RFC2: variants seen among roughly 807,000 people sequenced by gnomAD.
The protein encoded by RFC2 is A1 40 kDa subunit.
A neutral mutation model predicts 44.8 loss-of-function variants in RFC2; 34 were observed. The ratio of observed to expected loss-of-function variants is 0.76; its 90% CI spans 0.58 to 1.01. The LOEUF is 1.01. Among genes scored for constraint, RFC2 ranks in the 50% least tolerant of loss-of-function variants. The pLI, the probability that RFC2 is intolerant of heterozygous loss-of-function variation, is 0.00. For missense variants in RFC2, 400 were observed against 453.6 expected (o/e 0.88, Z 1.07); for synonymous variants, 177 against 168.9 (o/e 1.05, Z -0.37).
intron 6 of RFC2, among the ~76,000 whole-genome samples, chr7:74,242,775 T>C (rs1463938301): frequency 6.9e-6 from 1 of 145,628 alleles, no homozygotes; most frequent in African/African-American, 2.6e-5. Flanking sequence ...AAAAAAAAAT[T>C]AGCTGGGTGT....
intron 8 of RFC2, among the ~76,000 whole-genome samples, chr7:74,237,987 A>G (rs959067563): frequency 1.3e-5 from 2 of 151,940 alleles, no homozygotes; most frequent in Non-Finnish European, 2.9e-5. Flanking sequence ...CTCTGGTACA[A>G]TGTCGACCCC....
rs1554718676 is a variant in RFC2, at chr7:74,238,358, G to A, written c.759+565C>T. On this transcript the variant is annotated intron_variant, in intron 8 of 10. Transcript: ENST00000055077. The surrounding 1 kb of genome is among the most constrained non-coding windows in gnomAD (Gnocchi z 4.0). ...GCGGAGTTATCAGGATGCGGAAGCA[G>A]TTTTCAAAAGAATTCCCAAGAGAAA... Among the ~76,000 whole-genome samples the A allele has an allele frequency of 3.3e-5, 5 of 152,172 alleles. No homozygotes were observed.
In RFC2 at chr7:74,238,287, T is replaced by C. The variant is rs1331518737; in HGVS notation, c.759+636A>G. On this transcript the variant is annotated intron_variant, in intron 8 of 10. Coordinates refer to ENST00000055077, the MANE Select transcript of RFC2 (RefSeq NM_181471.3). This position sits in a 1 kb window ranked among gnomAD's most constrained non-coding sequence, Gnocchi z 4.0. ...AGCTTGGACAGCCCTTCCCAGTTTC[T>C]TCCCCCAAATAAGGGGGAAGTGAAT... is the stretch of plus-strand genomic sequence containing the variant. Among the ~76,000 whole-genome samples, 4 of 152,140 alleles carry C rather than the reference T, an allele frequency of 2.6e-5. No homozygotes were observed. Among genetic ancestry groups the C allele is most frequent in the Non-Finnish European group, 5.9e-5 (4 of 68,014 alleles).
intron 5 of RFC2, among the ~76,000 whole-genome samples, chr7:74,245,120 C>A (rs1156504129): frequency 2.6e-5 from 4 of 151,186 alleles, no homozygotes; most frequent in African/African-American, 9.7e-5. Context: ...ACCTTCGCCT[C>A]CGGGGTTCAA....
chr7:74,252,606 G>C (rs1477795768), intron 1 of RFC2, 108 bp from the exon 2 acceptor site: 2 of 728,584 alleles, frequency 2.7e-6, no homozygotes, highest in Non-Finnish European at 5.0e-6. Flanking sequence ...CATACATTCA[G>C]TACAACTATG....
Position 74,238,783 on chromosome 7 carries a change from C to G in RFC2, c.759+140G>C. On this transcript the variant is annotated intron_variant, in intron 8 of 10. Coordinates refer to ENST00000055077, the MANE Select transcript of RFC2 (RefSeq NM_181471.3). This position sits in a 1 kb window ranked among gnomAD's most constrained non-coding sequence, Gnocchi z 4.0. ...AAAGCAGCAATAGGGAGAGGACAGA[C>G]GGGAGCAGGGTGGGCTCCCTGGCAC... is the stretch of plus-strand genomic sequence containing the variant. 1 of 659,220 alleles carries G rather than the reference C, an allele frequency of 1.5e-6. No individual in the cohort carries two copies. Among genetic ancestry groups the G allele is most frequent in the African/African-American group, 1.8e-5 (1 of 56,050 alleles). 40.8% of individuals were successfully genotyped at this position (659,220 alleles called of 1,614,324 possible). A position where few individuals can be genotyped will look rare whatever the true frequency, so the allele number is the denominator to read the frequency against.
chr7:74,238,515 G>A lies in RFC2; in HGVS notation c.759+408C>T, dbSNP rs965902092. On this transcript the variant is annotated intron_variant, in intron 8 of 10. Transcript: ENST00000055077. This position sits in a 1 kb window ranked among gnomAD's most constrained non-coding sequence, Gnocchi z 4.0. ...TTGCAGAAAAAACCCAGGGTGTGGGGTCTGAAGGCTACTGGGGAACAGCAC... is the reference window on the plus strand; with the variant it reads ...TTGCAGAAAAAACCCAGGGTGTGGGATCTGAAGGCTACTGGGGAACAGCAC... 3.9e-5 allele frequency among the ~76,000 whole-genome samples: 6 copies of A among 152,018 alleles called. No homozygotes were observed. The highest frequency in any genetic ancestry group is 8.8e-5 in the Non-Finnish European group (6 of 67,986).
chr7:74,241,465 T>C (rs1187483963), intron 6 of RFC2, among the ~76,000 whole-genome samples: 5 of 152,222 alleles, frequency 3.3e-5, no homozygotes, highest in African/African-American at 1.2e-4. Flanking sequence ...CCACCAGGGC[T>C]GGTAGCCATG....
intron 4 of RFC2, among the ~76,000 whole-genome samples, chr7:74,247,356 A>G (rs1221899602): frequency 6.6e-6 from 1 of 152,160 alleles, no homozygotes; most frequent in African/African-American, 2.4e-5. Context: ...AATAACTGCA[A>G]TGTAGGCCAA....
chr7:74,239,585 C>A (rs542298928), intron 7 of RFC2, among the ~76,000 whole-genome samples: 1 of 152,184 alleles, frequency 6.6e-6, no homozygotes, highest in Admixed American at 6.5e-5. Context: ...CCCGCCTTGG[C>A]CTTCCAAAGT....
rs1554720737 is a variant in RFC2, at chr7:74,249,755, G to A, written c.209C>T (p.Pro70Leu). ...GGTACTCACCGCAATGATGATGTTG[G>A]GCACATTTCCTTCCCTTGCAAAGAC... is the stretch of plus-strand genomic sequence containing the variant. ...LEVFAREGNV[P>L]NIIIAGPPGT... The change falls in exon 3 of 11, where the codon CCC becomes CTC. Residue 70 changes from proline to leucine, a missense_variant. By Grantham distance (98) the Pro-to-Leu change is moderately conservative. Transcript: ENST00000055077. 1.2e-6 allele frequency: 2 copies of A among 1,613,508 alleles called. No homozygotes were observed. The highest frequency in any genetic ancestry group is 1.7e-5 in the Admixed American group (1 of 59,948).
intron 6 of RFC2, among the ~76,000 whole-genome samples, chr7:74,242,743 A>G (rs1303880455): frequency 3.1e-5 from 4 of 129,754 alleles, no homozygotes; most frequent in Admixed American, 1.7e-4. Context: ...GTGAAACCCC[A>G]TCTCTTAAAA....
At position 74,240,004 on chromosome 7, in the gene RFC2, C is replaced by A; in HGVS notation, c.627G>T (p.Glu209Asp). ...LTRLMNVIEK[E>D]RVPYTDDGLE... is the part of the protein sequence containing the mutation. ...GGCCGTCATCAGTGTAGGGTACCCT[C>A]TCCTTCTCGATAACATTCATCAGCC... Residue 209 changes from glutamate to aspartate, a missense_variant, in exon 7 of 11, where the codon GAG (glutamate) becomes GAT (aspartate). Transcript: ENST00000055077. 6.2e-7 allele frequency: 1 copy of A among 1,613,958 alleles called. No individual in the cohort carries two copies. The highest frequency in any genetic ancestry group is 8.5e-7 in the Non-Finnish European group (1 of 1,179,938).
chr7:74,233,998 T>C (rs1802872354), intron 10 of RFC2: 1 of 441,238 alleles, frequency 2.3e-6, no homozygotes. Flanking sequence ...CACTAATCCA[T>C]ATATGCAAAT....
At chr7:74,249,602 T>G (rs1554720694) in intron 3 of RFC2, 137 bp downstream of exon 3, 4 of 717,218 alleles carry the variant, frequency 5.6e-6, no homozygotes, top group Non-Finnish European at 1.0e-5. Flanking sequence ...GCCTCCCAAC[T>G]AGAGTGAAAC....
chr7:74,244,348 T>TA (rs201550100), intron 5 of RFC2, among the ~76,000 whole-genome samples: 51 of 146,438 alleles, frequency 3.5e-4, no homozygotes, highest in East Asian at 4.0e-4. Context: ...ACTGCCACAT[T>TA]AAAAAAAAAA....
intron 3 of RFC2, 126 bp from the exon 4 acceptor site, chr7:74,249,244 C>T (rs1347314140): frequency 6.5e-7 from 1 of 1,527,564 alleles, no homozygotes; most frequent in Non-Finnish European, 8.8e-7. Flanking sequence ...ACAGCACACA[C>T]AGATCAATAC....
chr7:74,236,983 T>C (rs782498318), intron 9 of RFC2, among the ~76,000 whole-genome samples: 8 of 151,682 alleles, frequency 5.3e-5, no homozygotes, highest in African/African-American at 9.7e-5. Context: ...AATAAATAAA[T>C]AAACAAACAC....
At chr7:74,248,138 C>A (rs1803729275) in intron 4 of RFC2, among the ~76,000 whole-genome samples, 1 of 151,982 alleles carries the variant, frequency 6.6e-6, no homozygotes, top group Non-Finnish European at 1.5e-5. Flanking sequence ...TATCCCTTAT[C>A]CCTAATGCTT....
Sources: gnomAD v4.1 joint callset for allele counts (sites outside exome capture counted in the v4.1 genomes callset) on GRCh38, gnomAD v4.1.1 for gene constraint, Gnocchi (gnomAD v3.1) non-coding constraint, MANE v1.5 for transcripts, NCBI Gene and HGNC (gene_info 2026-07-23, HGNC 2026-07-21) for gene names.